Variants in FRMD6 observed in about 807,000 individuals in gnomAD.
The protein encoded by FRMD6 is FERM domain-containing protein 6.
FRMD6 carries 37 observed loss-of-function variants against 73.2 expected under a neutral mutation model. The ratio of observed to expected loss-of-function variants is 0.51; its 90% CI spans 0.39 to 0.66. The LOEUF (loss-of-function observed/expected upper bound fraction) is 0.66, where lower values mean the gene tolerates loss of function less well. Ranked by LOEUF, FRMD6 falls within the 30% of genes least tolerant of loss-of-function variation. The pLI is 0.00. For synonymous variants in FRMD6, 273 were observed against 282.2 expected (o/e 0.97, Z 0.33); for missense variants, 714 against 780.5 (o/e 0.91, Z 1.02).
chr14:51,651,576 G>T (rs975721059), upstream of FRMD6: 1 of 152,250 alleles, frequency 6.6e-6, no homozygotes, highest in Non-Finnish European at 1.5e-5. Flanking sequence ...GGCCCTGATC[G>T]CCGTGGTCCA....
intron 12 of FRMD6, among the ~76,000 whole-genome samples, chr14:51,723,518 C>CA (rs1438699122): frequency 6.6e-6 from 1 of 151,926 alleles, no homozygotes; most frequent in East Asian, 1.9e-4. Context: ...TGGTGGCTCA[C>CA]ACGTATAATC....
At chr14:51,484,375 A>G (rs8015813), upstream of FRMD6, among the ~76,000 whole-genome samples, 26,301 of 152,172 alleles carry the variant, frequency 0.17, 2,408 homozygotes, top group Non-Finnish European at 0.19. Context: ...ACCATCAAGA[A>G]AACTTGACTA....
At chr14:51,720,587 C>T in intron 11 of FRMD6, 197 bp downstream of exon 11, 3 of 588,334 alleles carry the variant, frequency 5.1e-6, no homozygotes, top group Non-Finnish European at 9.1e-6. Context: ...AGTTGTGATC[C>T]TTTGCGGCCA....
intron 1 of FRMD6, among the ~76,000 whole-genome samples, chr14:51,665,210 G>A (rs1893493059): frequency 6.6e-6 from 1 of 152,172 alleles, no homozygotes; most frequent in Non-Finnish European, 1.5e-5. Flanking sequence ...GGCCTGGCAA[G>A]GTCTGTTGTA....
At chr14:51,562,868 T>C (rs527779737) in intron 1 of FRMD6, among the ~76,000 whole-genome samples, 1 of 152,338 alleles carries the variant, frequency 6.6e-6, no homozygotes, top group Admixed American at 6.5e-5. Flanking sequence ...TACTCTTGGA[T>C]ATAGAATTCT....
the FRMD6 span, among the ~76,000 whole-genome samples, chr14:51,442,321 C>G: frequency 6.6e-6 from 1 of 151,868 alleles, no homozygotes; most frequent in Non-Finnish European, 1.5e-5. Context: ...TCTCTTCTCT[C>G]CTTTCCTTTC....
chr14:51,683,824 A>C (rs1443625469), intron 1 of FRMD6, among the ~76,000 whole-genome samples: 1 of 152,158 alleles, frequency 6.6e-6, no homozygotes, highest in Non-Finnish European at 1.5e-5. Context: ...TTTAACCCTT[A>C]AATCTATCTT....
the FRMD6 span, among the ~76,000 whole-genome samples, chr14:51,403,314 T>C: frequency 6.6e-6 from 1 of 152,246 alleles, no homozygotes; most frequent in Non-Finnish European, 1.5e-5. Flanking sequence ...TTTACATTTA[T>C]TGACCTATAA....
intron 2 of FRMD6, among the ~76,000 whole-genome samples, chr14:51,580,209 C>A (rs1232532714): frequency 6.6e-6 from 1 of 152,010 alleles, no homozygotes; most frequent in African/African-American, 2.4e-5. Flanking sequence ...GTGGAATGAA[C>A]AACCTGGGAG....
At chr14:51,686,302 CAA>C (rs1895147477) in intron 1 of FRMD6, among the ~76,000 whole-genome samples, 1 of 152,106 alleles carries the variant, frequency 6.6e-6, no homozygotes, top group Non-Finnish European at 1.5e-5. Context: ...TCACAACTAA[CAA>C]ATCAGTATTG....
At chr14:51,670,589 T>C (rs1893933685) in intron 1 of FRMD6, among the ~76,000 whole-genome samples, 1 of 152,172 alleles carries the variant, frequency 6.6e-6, no homozygotes, top group Non-Finnish European at 1.5e-5. Context: ...GGAGAATCAA[T>C]ATCTTAACAA....
the FRMD6 span, among the ~76,000 whole-genome samples, chr14:51,404,950 C>A: frequency 1.3e-5 from 2 of 152,042 alleles, no homozygotes; most frequent in African/African-American, 4.8e-5. Context: ...ATGTAGGCCC[C>A]AGTGTCTGTT....
At position 51,581,053 on chromosome 14, in the gene FRMD6, C is replaced by T. The variant is rs539461719; in HGVS notation, c.-147+10643C>T. 2.6e-5 allele frequency among the ~76,000 whole-genome samples: 4 copies of T among 152,326 alleles called. No homozygotes were observed. In the South Asian group the frequency reaches 8.3e-4, roughly 32 times the overall value. ...AAAAGATGTGGAAATGATAGACTGG[C>T]TGCCACAGTACCATAGAAAGCAGAT... On this transcript the variant is annotated intron_variant, in intron 2 of 14. Transcript: ENST00000356218.
At chr14:51,688,083 A>T (rs1895292311) in intron 1 of FRMD6, among the ~76,000 whole-genome samples, 1 of 151,600 alleles carries the variant, frequency 6.6e-6, no homozygotes, top group African/African-American at 2.4e-5. Context: ...CCTCCAACTG[A>T]TGCTTTGGAA....
At chr14:51,522,245 T>A (rs1884994700) in intron 1 of FRMD6, among the ~76,000 whole-genome samples, 2 of 152,192 alleles carry the variant, frequency 1.3e-5, no homozygotes, top group Non-Finnish European at 2.9e-5. Context: ...TATTTCTAAA[T>A]ACCAGAAAGT....
At chr14:51,612,494 G>A (rs755189699) in intron 2 of FRMD6, among the ~76,000 whole-genome samples, 1 of 152,210 alleles carries the variant, frequency 6.6e-6, no homozygotes, top group Non-Finnish European at 1.5e-5. Context: ...CAGGTAACCG[G>A]CTACATGACC....
chr14:51,721,716 AAGGGAGGGAGGAAGGG>A (rs1897594411), intron 11 of FRMD6, among the ~76,000 whole-genome samples: 1 of 114,896 alleles, frequency 8.7e-6, no homozygotes, highest in African/African-American at 3.2e-5. Context: ...GGAAGGAAGG[AAGGGAGGGAGGAAGGG>A]AGGGAGGAAG....
the FRMD6 span, among the ~76,000 whole-genome samples, chr14:51,420,147 A>G: frequency 6.6e-6 from 1 of 152,238 alleles, no homozygotes; most frequent in Non-Finnish European, 1.5e-5. Flanking sequence ...TGTCACAGAT[A>G]AAGTAACAGA....
intron 2 of FRMD6, among the ~76,000 whole-genome samples, chr14:51,598,970 A>G (rs1376785367): frequency 6.6e-6 from 1 of 151,126 alleles, no homozygotes; most frequent in African/African-American, 2.4e-5. Context: ...AAATCTCCAA[A>G]CTGCTTTCCA....
Sources: gnomAD v4.1 joint callset for allele counts (sites outside exome capture counted in the v4.1 genomes callset) on GRCh38, gnomAD v4.1.1 for gene constraint, MANE v1.5 for transcripts, NCBI Gene and HGNC (gene_info 2026-07-23, HGNC 2026-07-21) for gene names.